Variants in EPHB2 observed in about 807,000 individuals in gnomAD.
The protein encoded by EPHB2 is EPH receptor B2.
EPHB2 carries 18 observed loss-of-function variants against 96.4 expected under a neutral mutation model. The observed-to-expected ratio is 0.19, with a 90% confidence interval of 0.13 to 0.28. The LOEUF (loss-of-function observed/expected upper bound fraction) is 0.28, where lower values mean the gene tolerates loss of function less well. Ranked by LOEUF, EPHB2 falls within the 10% of genes least tolerant of loss-of-function variation. The pLI, the probability that EPHB2 is intolerant of heterozygous loss-of-function variation, is 1.00. For synonymous variants in EPHB2, 506 were observed against 534.1 expected (o/e 0.95, Z 0.72); for missense variants, 989 against 1,355.4 (o/e 0.73, Z 4.25).
rs549237170 is a variant in EPHB2, at chr1:22,815,267, TG to T, written c.811+30193del. 5.7e-4 allele frequency among the ~76,000 whole-genome samples: 86 copies of T among 151,084 alleles called. 1 individual carries two copies. The highest frequency in any genetic ancestry group is 4.7e-3 in the Admixed American group (72 of 15,204). The stretch of plus-strand genomic sequence containing the variant: ...CAGGCTAGAGATGGAAGGTGGGGGG[TG>T]GTTGTGGGGGGTACAGGAGGCTGGG... On this transcript the variant is annotated intron_variant, in intron 3 of 15. Coordinates refer to ENST00000374630, the MANE Select transcript of EPHB2 (RefSeq NM_017449.5).
chr1:22,907,042 A>T (rs1639940455), intron 11 of EPHB2, 85 bp downstream of exon 11: 4 of 1,486,224 alleles, frequency 2.7e-6, no homozygotes, highest in Non-Finnish European at 2.7e-6. Context: ...CAGAGCCTGA[A>T]GGGGTCTTGG....
chr1:22,895,728 A>G (rs1206260090), intron 8 of EPHB2, 148 bp downstream of exon 8: 5 of 759,526 alleles, frequency 6.6e-6, no homozygotes, highest in Non-Finnish European at 1.1e-5. Context: ...GAAGGCTTCA[A>G]GTGGCTTCCC....
intron 5 of EPHB2, among the ~76,000 whole-genome samples, chr1:22,866,824 C>T (rs1384931805): frequency 2.6e-5 from 4 of 152,128 alleles, no homozygotes; most frequent in African/African-American, 9.7e-5. Context: ...ATCCCAGCTA[C>T]TCAGGAGGCT....
At chr1:22,804,979 G>T (rs528939916) in intron 3 of EPHB2, among the ~76,000 whole-genome samples, 2 of 152,142 alleles carry the variant, frequency 1.3e-5, no homozygotes, top group East Asian at 3.9e-4. Flanking sequence ...GCAAATTGTG[G>T]GCTAGAGAGT....
intron 2 of EPHB2, 73 bp downstream of exon 2, chr1:22,781,558 C>G: frequency 2.0e-6 from 3 of 1,473,938 alleles, no homozygotes; most frequent in African/African-American, 1.4e-5. Context: ...CCCGAATGCC[C>G]CCTCATATTC....
intron 6 of EPHB2, 100 bp downstream of exon 6, chr1:22,882,583 A>G: frequency 1.9e-6 from 3 of 1,571,304 alleles, no homozygotes; most frequent in Non-Finnish European, 2.6e-6. Flanking sequence ...GATGAGACGC[A>G]CTGGTGCAGC....
intron 3 of EPHB2, among the ~76,000 whole-genome samples, chr1:22,840,232 C>T (rs76019115): frequency 1.3e-5 from 2 of 152,234 alleles, no homozygotes; most frequent in East Asian, 3.9e-4. Context: ...AAGCCTCTAG[C>T]GTGGTGTGTG....
At chr1:22,724,401 C>T (rs904164611) in intron 1 of EPHB2, among the ~76,000 whole-genome samples, 3 of 152,222 alleles carry the variant, frequency 2.0e-5, no homozygotes, top group African/African-American at 7.2e-5. Flanking sequence ...GCCTGGCACA[C>T]AGTAGGACTT....
chr1:22,866,583 C>T (rs1638486485), intron 5 of EPHB2, among the ~76,000 whole-genome samples: 1 of 151,640 alleles, frequency 6.6e-6, no homozygotes, highest in African/African-American at 2.4e-5. Context: ...TTGAAGGGAA[C>T]AATAGAAAAA....
intron 5 of EPHB2, among the ~76,000 whole-genome samples, chr1:22,880,111 A>G: frequency 6.6e-6 from 1 of 152,128 alleles, no homozygotes; most frequent in East Asian, 1.9e-4. Context: ...TCGAGGCCTC[A>G]GAGATCTTCT....
rs55743842 is a variant in EPHB2 at position 22,741,696 on chromosome 1, A to AAAAAAAAAAAAC, written c.61+30653_61+30654insAAAAAAAAAAAC. Among the ~76,000 whole-genome samples the AAAAAAAAAAAAC allele has an allele frequency of 5.5e-4, 75 of 137,272 alleles. 1 individual carries two copies. The highest frequency in any genetic ancestry group is 7.2e-4 in the South Asian group (3 of 4,192). The allele number at this position is 137,272 out of a possible 152,430, so 90.1% of individuals were successfully genotyped here. Reference sequence around the variant, plus strand: ...CTTCCCAGCAAAAAAAAACAAAAAAACAAAAAACCTCAGTTTCTCACGTTG... The same window carrying AAAAAAAAAAAAC: ...CTTCCCAGCAAAAAAAAACAAAAAAAAAAAAAAAAAACCAAAAAACCTCAGTTTCTCACGTTG... On this transcript the variant is annotated intron_variant, in intron 1 of 15. Coordinates refer to ENST00000374630, the MANE Select transcript of EPHB2 (RefSeq NM_017449.5).
At chr1:22,834,033 C>T (rs983369731) in intron 3 of EPHB2, among the ~76,000 whole-genome samples, 10 of 120,658 alleles carry the variant, frequency 8.3e-5, no homozygotes, top group South Asian at 6.4e-4. Flanking sequence ...TAATCCTGAA[C>T]TTAGTCTCAA....
rs533779848 is a variant in EPHB2, at chr1:22,764,644, G to A, written c.62-16777G>A. 4.6e-5 allele frequency among the ~76,000 whole-genome samples: 7 copies of A among 152,150 alleles called. No individual in the cohort carries two copies. In the South Asian group the frequency reaches 1.5e-3, roughly 32 times the overall value. ...ACCTATAATCCCAGCTGTTCAGGAG[G>A]CTGAGGCAGGAGAATCTCTTGAACC... On this transcript the variant is annotated intron_variant, in intron 1 of 15. Coordinates refer to ENST00000374630, the MANE Select transcript of EPHB2 (RefSeq NM_017449.5).
intron 1 of EPHB2, among the ~76,000 whole-genome samples, chr1:22,748,647 T>C (rs1644012913): frequency 6.6e-6 from 1 of 151,844 alleles, no homozygotes; most frequent in Admixed American, 6.6e-5. Flanking sequence ...CCCAAAGTGC[T>C]GAGATTACAG....
At chr1:22,833,720 C>T (rs745479965) in intron 3 of EPHB2, among the ~76,000 whole-genome samples, 2 of 151,944 alleles carry the variant, frequency 1.3e-5, no homozygotes, top group Non-Finnish European at 2.9e-5. Context: ...ATAAAACATA[C>T]AAGAGTATAA....
chr1:22,865,481 G>C (rs2148528271), intron 5 of EPHB2, among the ~76,000 whole-genome samples: 1 of 152,282 alleles, frequency 6.6e-6, no homozygotes, highest in Admixed American at 6.5e-5. Flanking sequence ...TGACTTAAAG[G>C]AGTGGAATGT....
chr1:22,795,445 C>T (rs1404353387), intron 3 of EPHB2, among the ~76,000 whole-genome samples: 3 of 146,648 alleles, frequency 2.0e-5, no homozygotes, highest in East Asian at 2.0e-4. Flanking sequence ...GAATTCTTCA[C>T]GCCATACTGA....
intron 1 of EPHB2, among the ~76,000 whole-genome samples, chr1:22,744,152 A>G (rs2148369601): frequency 7.5e-6 from 1 of 134,128 alleles, no homozygotes; most frequent in Middle Eastern, 3.6e-3. Flanking sequence ...GGGTAAGAGT[A>G]TGAATAAAAT....
intron 3 of EPHB2, among the ~76,000 whole-genome samples, chr1:22,813,537 G>A (rs1006530912): frequency 1.3e-5 from 2 of 152,242 alleles, no homozygotes; most frequent in Non-Finnish European, 2.9e-5. Flanking sequence ...CAGCTGAGGT[G>A]GGTGCTGGCA....
Sources: allele counts gnomAD v4.1 joint callset (sites outside exome capture counted in the v4.1 genomes callset), GRCh38; gene constraint gnomAD v4.1.1; transcripts MANE v1.5; gene names NCBI Gene and HGNC (gene_info 2026-07-23, HGNC 2026-07-21).